JAKMIP3: variants seen among roughly 807,000 people sequenced by gnomAD.
JAKMIP3 encodes the protein Janus kinase and microtubule interacting protein 3.
A neutral mutation model predicts 118.5 loss-of-function variants in JAKMIP3; 58 were observed. The ratio of observed to expected loss-of-function variants is 0.49; its 90% CI spans 0.40 to 0.61. JAKMIP3 has a LOEUF of 0.61. Among genes scored for constraint, JAKMIP3 ranks in the 20% least tolerant of loss-of-function variants. The probability of loss-of-function intolerance (pLI) is 0.00; values close to 1 mark genes in which losing one functional copy is unlikely to be tolerated. For synonymous variants in JAKMIP3, 486 were observed against 451.2 expected, an observed-to-expected ratio of 1.08 and a Z score of -0.98; for missense variants, 950 against 1,109.0, an observed-to-expected ratio of 0.86 and a Z score of 2.04.
intron 13 of JAKMIP3, among the ~76,000 whole-genome samples, chr10:132,145,889 G>A (rs570800162): frequency 3.8e-4 from 58 of 152,340 alleles, no homozygotes; most frequent in African/African-American, 1.4e-3. Context: ...GCTGGTTAGA[G>A]CATCGTGACA....
At chr10:132,128,440 A>G (rs2050004043) in intron 3 of JAKMIP3, among the ~76,000 whole-genome samples, 1 of 152,230 alleles carries the variant, frequency 6.6e-6, no homozygotes, top group Non-Finnish European at 1.5e-5. Flanking sequence ...TTGAATCTGA[A>G]GGGATGTCTT....
chr10:132,057,620 G>A (rs769265537), intron 1 of JAKMIP3, among the ~76,000 whole-genome samples: 1 of 152,220 alleles, frequency 6.6e-6, no homozygotes, highest in Non-Finnish European at 1.5e-5. Flanking sequence ...GTCGTCACCT[G>A]AGCAGCCCTG....
chr10:132,135,192 G>A, intron 5 of JAKMIP3, 32 bp downstream of exon 5: 1 of 1,576,692 alleles, frequency 6.3e-7, no homozygotes. Flanking sequence ...TGGCTCCTGG[G>A]GGTTTGTGAC....
chr10:132,172,851 A>G (rs1301043673), intron 23 of JAKMIP3, among the ~76,000 whole-genome samples: 4 of 151,626 alleles, frequency 2.6e-5, no homozygotes, highest in Non-Finnish European at 1.5e-5. Flanking sequence ...CTGGGGTGAC[A>G]GTATTTCTAG....
intron 1 of JAKMIP3, among the ~76,000 whole-genome samples, chr10:132,054,304 C>CT (rs1176937031): frequency 2.0e-5 from 3 of 151,964 alleles, no homozygotes; most frequent in Non-Finnish European, 4.4e-5. Flanking sequence ...TGGGTACCCT[C>CT]TTTTTTTCCC....
intron 19 of JAKMIP3, among the ~76,000 whole-genome samples, chr10:132,157,412 C>A (rs753492423): frequency 6.6e-6 from 1 of 152,158 alleles, no homozygotes; most frequent in Non-Finnish European, 1.5e-5. Flanking sequence ...ACTGTCCATG[C>A]ATTAGCTATC....
upstream of JAKMIP3, among the ~76,000 whole-genome samples, chr10:132,064,531 G>C (rs769886430): frequency 1.3e-5 from 2 of 152,186 alleles, no homozygotes; most frequent in Non-Finnish European, 2.9e-5. This position sits in a 1 kb window ranked among gnomAD's most constrained non-coding sequence, Gnocchi z 4.4. Flanking sequence ...ATCCAGCTCC[G>C]GGACCTGACA....
intron 1 of JAKMIP3, among the ~76,000 whole-genome samples, chr10:132,080,503 ATTTTTTTTTTTTTTTTTT>A (rs201838731): frequency 0.014 from 867 of 61,584 alleles, 29 homozygotes; most frequent in African/African-American, 0.041. Context: ...AAGTTATAGG[ATTTTTTTTTTTTTTTTTT>A]TTTTTTTTTT....
At chr10:132,051,934 T>A (rs1200668994) in intron 1 of JAKMIP3, among the ~76,000 whole-genome samples, 2 of 152,208 alleles carry the variant, frequency 1.3e-5, no homozygotes, top group African/African-American at 4.8e-5. Flanking sequence ...AAAGCATATT[T>A]AAAACATTAT....
intron 2 of JAKMIP3, among the ~76,000 whole-genome samples, chr10:132,111,699 C>A (rs75662202): frequency 6.6e-6 from 1 of 152,162 alleles, no homozygotes; most frequent in African/African-American, 2.4e-5. Flanking sequence ...TTGGGCCATG[C>A]TCCAGGCACA....
At chr10:132,036,755 G>A (rs887338373) in intron 1 of JAKMIP3, among the ~76,000 whole-genome samples, 14 of 151,308 alleles carry the variant, frequency 9.3e-5, no homozygotes, top group African/African-American at 3.4e-4. Context: ...AGCGGCCGGG[G>A]TGGGGCCGCG....
At chr10:132,145,403 G>T in intron 12 of JAKMIP3, 115 bp from the exon 13 acceptor site, 1 of 1,081,452 alleles carries the variant, frequency 9.2e-7, no homozygotes. Context: ...TTGTAGAGAC[G>T]GGGCTTTGCC....
chr10:132,117,588 CA>C lies in JAKMIP3; in HGVS notation c.633+15del, dbSNP rs748917111. 1.2e-4 allele frequency: 114 copies of C among 914,810 alleles called. No individual in the cohort carries two copies. The Admixed American group carries it at 3.6e-3, about 29-fold the overall frequency. The allele number at this position is 914,810 out of a possible 1,614,324, so 56.7% of individuals were successfully genotyped here. ...ATCCGCAGGCTGGTACGTGGGCAGG[CA>C]GGGGCGGGCGTGGGCGAGGGTGCAG... On this transcript the variant is annotated intron_variant, in intron 3 of 23. Coordinates refer to ENST00000684848, the MANE Select transcript of JAKMIP3 (RefSeq NM_001323087.2). This position sits in a 1 kb window ranked among gnomAD's most constrained non-coding sequence, Gnocchi z 8.6.
chr10:132,116,988 A>G, intron 2 of JAKMIP3, 89 bp from the exon 3 acceptor site: 1 of 1,428,034 alleles, frequency 7.0e-7, no homozygotes, highest in South Asian at 1.4e-5. Context: ...AGTGTGTGCA[A>G]CGTGGAAGCT....
intron 1 of JAKMIP3, among the ~76,000 whole-genome samples, chr10:132,076,878 C>A (rs902769441): frequency 6.6e-6 from 1 of 150,490 alleles, no homozygotes; most frequent in Non-Finnish European, 1.5e-5. Context: ...CCTGCGGTGT[C>A]CCCGGGTCTG....
rs529604289 is a variant in JAKMIP3, at chr10:132,147,979, C to G, written c.1777C>G (p.Arg593Gly). The G allele has an allele frequency of 1.2e-6, 2 of 1,609,798 alleles. No individual in the cohort carries two copies. The highest frequency in any genetic ancestry group is 8.5e-7 in the Non-Finnish European group (1 of 1,178,194). ...CAAACAAATGGAGACGGAAGAGGCT[C>G]GGCTCAGACACGAGGTGCAGGACGC... ...KIKQMETEEA[R>G]LRHEVQDARD... Residue 593 changes from arginine to glycine, a missense_variant, in exon 14 of 24, where the codon CGG becomes GGG. Physicochemically the swap from Arg to Gly is moderately radical, Grantham distance 125. Transcript: ENST00000684848.
rs747548875 is a variant in JAKMIP3 at position 132,150,035 on chromosome 10, C to T, written c.2001C>T (p.Ala667=). Residue 667 remains alanine (A), a synonymous_variant, in exon 16 of 24, where the codon GCC becomes GCT. Transcript: ENST00000684848. ...AGCTGGACATCCTGGGCGATAACGC[C>T]GTAAGTGTATGTCGCTCTCCTGGCT... is the stretch of plus-strand genomic sequence containing the variant. The part of the protein sequence containing the change: ...MKKLDILGDN[A]VSNLTNEEQV... 37 of 1,598,544 alleles carry T rather than the reference C, an allele frequency of 2.3e-5. No homozygotes were observed. Among genetic ancestry groups the T allele is most frequent in the Middle Eastern group, 1.7e-4 (1 of 6,050 alleles).
intron 2 of JAKMIP3, among the ~76,000 whole-genome samples, chr10:132,108,879 A>ACAAATGTATATATAAATTATATACG (rs1564907708): frequency 1.1e-4 from 11 of 103,652 alleles, no homozygotes; most frequent in East Asian, 6.5e-4. Flanking sequence ...AATTATATAC[A>ACAAATGTATATATAAATTATATACG]CAAATGTATA....
At chr10:132,133,162 C>G (rs1402016128) in intron 3 of JAKMIP3, 150 bp from the exon 4 acceptor site, 2 of 688,850 alleles carry the variant, frequency 2.9e-6, no homozygotes, top group East Asian at 5.5e-5. Context: ...TGCCTCAGCC[C>G]AGGGCCACGG....
Sources: allele counts gnomAD v4.1 joint callset (sites outside exome capture counted in the v4.1 genomes callset), GRCh38; gene constraint gnomAD v4.1.1; non-coding constraint Gnocchi (gnomAD v3.1); transcripts MANE v1.5; gene names NCBI Gene and HGNC (gene_info 2026-07-23, HGNC 2026-07-21).